Variants in AXL observed in about 807,000 individuals in gnomAD.
The protein encoded by AXL is AXL receptor tyrosine kinase, also known as tyrosine-protein kinase receptor UFO.
Under a neutral mutation model 104.5 loss-of-function variants are expected in AXL, and 52 were observed. The observed-to-expected ratio is 0.50, with a 90% CI of 0.40 to 0.63. AXL has a LOEUF of 0.63. Ranked by LOEUF, AXL falls within the 20% of genes least tolerant of loss-of-function variation. The probability of loss-of-function intolerance (pLI) is 0.00; values close to 1 mark genes in which losing one functional copy is unlikely to be tolerated. For missense variants in AXL, 1,024 were observed against 1,188.5 expected (o/e 0.86, Z 2.04); for synonymous variants, 455 against 473.7 (o/e 0.96, Z 0.51).
At chr19:41,254,200 C>T (rs1017150679) in intron 17 of AXL, among the ~76,000 whole-genome samples, 10 of 151,250 alleles carry the variant, frequency 6.6e-5, no homozygotes, top group Admixed American at 4.6e-4. Context: ...GCCAGGAGTT[C>T]GAGACCAGCC....
rs1406004374 is a variant in AXL, at chr19:41,259,819, T to A, written c.2600T>A (p.Val867Asp). The A allele has an allele frequency of 1.2e-6, 2 of 1,614,038 alleles. No individual in the cohort carries two copies. The highest frequency in any genetic ancestry group is 1.7e-5 in the Admixed American group (1 of 60,002). ...GAGGTCCATCCTGCTGGACGCTATG[T>A]CCTCTGCCCTTCCACAACCCCTAGC... ...AAEVHPAGRY[V>D]LCPSTTPSPA... Residue 867 changes from valine to aspartate, a missense_variant, in exon 20 of 20, where the codon GTC (valine) becomes GAC (aspartate). Physicochemically the swap from Val to Asp is radical, Grantham distance 152. This residue lies in a region of AXL where 523 missense variants were observed against 636.0 expected (regional missense o/e 0.82). Coordinates refer to ENST00000301178, the MANE Select transcript of AXL (RefSeq NM_021913.5).
intron 10 of AXL, among the ~76,000 whole-genome samples, chr19:41,242,650 C>T (rs1404399842): frequency 6.6e-6 from 1 of 152,118 alleles, no homozygotes; most frequent in East Asian, 1.9e-4. Flanking sequence ...TCTTAACTCA[C>T]CCATCCTACA....
intron 4 of AXL, among the ~76,000 whole-genome samples, chr19:41,225,451 G>C (rs1051630906): frequency 2.0e-5 from 3 of 152,166 alleles, no homozygotes; most frequent in African/African-American, 7.2e-5. Context: ...ACCCTTCATT[G>C]TGTCCTGGTG....
At chr19:41,225,233 GACCTCA>G (rs1422416732) in intron 4 of AXL, among the ~76,000 whole-genome samples, 1 of 152,158 alleles carries the variant, frequency 6.6e-6, no homozygotes, top group Non-Finnish European at 1.5e-5. Context: ...TCAAACTCCT[GACCTCA>G]AGTGATCCAC....
chr19:41,220,939 T>G lies in AXL; in HGVS notation c.308+81T>G, dbSNP rs533742568. On this transcript the variant is annotated intron_variant, in intron 2 of 19. Coordinates refer to ENST00000301178, the MANE Select transcript of AXL (RefSeq NM_021913.5). ...AGCCCACCTGGGTGGGAACCCCAGT[T>G]TGACCACTTGTCAGCCGTGCGGCTT... 33 of 1,501,146 alleles carry G rather than the reference T, an allele frequency of 2.2e-5. No homozygotes were observed. In the South Asian group the frequency reaches 3.7e-4, roughly 17 times the overall value. 93.0% of individuals were successfully genotyped at this position (1,501,146 alleles called of 1,614,324 possible). A position where few individuals can be genotyped will look rare whatever the true frequency, so the allele number is the denominator to read the frequency against.
intron 19 of AXL, 53 bp downstream of exon 19, chr19:41,257,682 A>G (rs2034476943): frequency 6.2e-7 from 1 of 1,608,218 alleles, no homozygotes; most frequent in South Asian, 1.1e-5. Flanking sequence ...ACCCCTGACT[A>G]CCCCCAGATG....
intron 12 of AXL, among the ~76,000 whole-genome samples, chr19:41,248,291 C>T (rs1465075814): frequency 2.6e-5 from 4 of 151,894 alleles, no homozygotes; most frequent in Admixed American, 6.6e-5. Context: ...GGAGCAAGAG[C>T]GTGGCCAGGC....
chr19:41,238,258 T>C (rs1184541459), intron 7 of AXL, 104 bp downstream of exon 7: 30 of 1,450,362 alleles, frequency 2.1e-5, no homozygotes, highest in Non-Finnish European at 2.7e-5. Flanking sequence ...CCTCATGGCC[T>C]CAATCTCCTT....
At chr19:41,228,608 A>G (rs1022683725) in intron 4 of AXL, among the ~76,000 whole-genome samples, 1 of 152,158 alleles carries the variant, frequency 6.6e-6, no homozygotes, top group Non-Finnish European at 1.5e-5. Context: ...ATGGAATTAC[A>G]CATGCTCATA....
chr19:41,237,964 G>A lies in AXL; in HGVS notation c.804G>A (p.Gly268=), dbSNP rs757185500. The change falls in exon 7 of 20, where the codon GGG becomes GGA. Residue 268 remains glycine (G), a synonymous_variant. Transcript: ENST00000301178. The stretch of plus-strand genomic sequence containing the variant: ...CTCAGGCTGTGCTGTCAGACGATGG[G>A]ATGGGCATCCAGGCGGGAGAACCAG... ...CTLQAVLSDD[G]MGIQAGEPDP... is the part of the protein sequence containing the mutation. The A allele has an allele frequency of 4.2e-5, 67 of 1,613,824 alleles. No homozygotes were observed. The highest frequency in any genetic ancestry group is 5.5e-5 in the Non-Finnish European group (65 of 1,179,958).
intron 14 of AXL, 27 bp from the exon 15 acceptor site, chr19:41,252,297 GGAGAGTCCTCCCTCTCCTCCCCTCCTC>G: frequency 7.0e-7 from 1 of 1,433,860 alleles, no homozygotes; most frequent in Non-Finnish European, 9.8e-7. Flanking sequence ...GGAGGTGGAG[GGAGAGTCCTCCCTCTCCTCCCCTCCTC>G]CTCACGACCT....
In AXL at chr19:41,243,726, C is replaced by G. The variant is rs765782149; in HGVS notation, c.1537+19C>G. The G allele has an allele frequency of 1.2e-6, 2 of 1,603,304 alleles. No individual in the cohort carries two copies. Among genetic ancestry groups the G allele is most frequent in the Non-Finnish European group, 1.7e-6 (2 of 1,170,318 alleles). On this transcript the variant is annotated intron_variant, in intron 12 of 19. Coordinates refer to ENST00000301178, the MANE Select transcript of AXL (RefSeq NM_021913.5). ...GCTACCTGTAAGTGAACCCTATGCC[C>G]CACTGCCCTGGCCTGGATCTAAAGG...
chr19:41,228,145 T>C lies in AXL; in HGVS notation c.587-2822T>C, dbSNP rs553865659. On this transcript the variant is annotated intron_variant, in intron 4 of 19. Coordinates refer to ENST00000301178, the MANE Select transcript of AXL (RefSeq NM_021913.5). ...GGGTATCTCTGTGTGCTTGCAGGTC[T>C]GTGTCTCTCGTGTTTGTCTCTGTAA... Among the ~76,000 whole-genome samples the C allele has an allele frequency of 2.0e-5, 3 of 152,346 alleles. 1 individual carries two copies. Among genetic ancestry groups the C allele is most frequent in the African/African-American group, 7.2e-5 (3 of 41,576 alleles).
chr19:41,223,166 G>A (rs1407006816), intron 4 of AXL, among the ~76,000 whole-genome samples: 1 of 150,400 alleles, frequency 6.6e-6, no homozygotes, highest in Non-Finnish European at 1.5e-5. Flanking sequence ...GTGGTGACGG[G>A]CATCTGTAGT....
intron 14 of AXL, among the ~76,000 whole-genome samples, chr19:41,251,111 C>T (rs1179034756): frequency 2.0e-5 from 3 of 152,164 alleles, no homozygotes; most frequent in East Asian, 1.9e-4. Context: ...AGGCAGACTC[C>T]TAACCTTTTT....
At chr19:41,243,859 T>G (rs141480789) in intron 12 of AXL, 152 bp downstream of exon 12, 1 of 622,556 alleles carries the variant, frequency 1.6e-6, no homozygotes, top group Non-Finnish European at 2.9e-6. Flanking sequence ...AATAACAGAT[T>G]TGTGGAACCA....
At chr19:41,239,478 C>T (rs1187525507) in intron 9 of AXL, among the ~76,000 whole-genome samples, 164 bp downstream of exon 9, 1 of 151,984 alleles carries the variant, frequency 6.6e-6, no homozygotes, top group African/African-American at 2.4e-5. Context: ...CCCTCACTCC[C>T]TTACCTGTGC....
At chr19:41,222,634 T>C (rs10409443) in intron 4 of AXL, among the ~76,000 whole-genome samples, 24,734 of 152,130 alleles carry the variant, frequency 0.16, 2,274 homozygotes, top group African/African-American at 0.24. Context: ...AGGCTGGGCG[T>C]GGTGGCTCAC....
chr19:41,256,349 G>A, intron 17 of AXL, 103 bp from the exon 18 acceptor site: 1 of 1,388,786 alleles, frequency 7.2e-7, no homozygotes, highest in South Asian at 1.3e-5. Context: ...CCCGCAGCCA[G>A]GACAGTGAGG....
Sources: gnomAD v4.1 joint callset for allele counts (sites outside exome capture counted in the v4.1 genomes callset) on GRCh38, gnomAD v4.1.1 for gene constraint, gnomAD v4.1.1 regional missense constraint, MANE v1.5 for transcripts, NCBI Gene and HGNC (gene_info 2026-07-23, HGNC 2026-07-21) for gene names.